The following INSL6 variants were observed in gnomAD, a reference collection of about 807,000 sequenced individuals.
INSL6 encodes insulin-like peptide INSL6.
A neutral mutation model predicts 9.4 loss-of-function variants in INSL6; 16 were observed. The observed-to-expected ratio is 1.70, with a 90% CI of 1.15 to 2.59. INSL6 has a LOEUF of 2.59. INSL6 is among the 30% of genes most tolerant of loss of function. The pLI is 0.00. For synonymous variants in INSL6, 154 were observed against 96.9 expected, an observed-to-expected ratio of 1.59 and a Z score of -3.46; for missense variants, 391 against 257.3, an observed-to-expected ratio of 1.52 and a Z score of -3.56.
At chr9:5,082,565 C>G in the INSL6 span, among the ~76,000 whole-genome samples, 1 of 152,350 alleles carries the variant, frequency 6.6e-6, no homozygotes. Context: ...TTTACTAATC[C>G]TCCCCAGCAC....
At chr9:5,044,407 T>C in the INSL6 span, 1 of 1,604,496 alleles carries the variant, frequency 6.2e-7, no homozygotes, top group South Asian at 1.1e-5. Context: ...TTGTAGATTT[T>C]ACTTTCCTCG....
the INSL6 span, among the ~76,000 whole-genome samples, chr9:5,044,903 C>T: frequency 5.9e-5 from 9 of 152,048 alleles, no homozygotes; most frequent in South Asian, 2.1e-4. Flanking sequence ...CAGGCTTACA[C>T]AATGGACAAT....
the INSL6 span, among the ~76,000 whole-genome samples, chr9:5,047,947 T>C: frequency 6.6e-6 from 1 of 152,150 alleles, no homozygotes; most frequent in Admixed American, 6.5e-5. Flanking sequence ...TGAGGGTACA[T>C]ACTATAATAT....
chr9:5,023,368 G>C, the INSL6 span, among the ~76,000 whole-genome samples: 1 of 152,142 alleles, frequency 6.6e-6, no homozygotes, highest in Admixed American at 6.5e-5. Context: ...CTGGGCCCCA[G>C]GGGAGTACGC....
At chr9:5,040,662 G>C in the INSL6 span, among the ~76,000 whole-genome samples, 20 of 152,390 alleles carry the variant, frequency 1.3e-4, no homozygotes, top group African/African-American at 4.8e-4. Flanking sequence ...GACTTGGATA[G>C]ACATTTTTCC....
At chr9:5,086,160 G>C in the INSL6 span, 4 of 363,152 alleles carry the variant, frequency 1.1e-5, no homozygotes, top group South Asian at 2.0e-4. Flanking sequence ...TCGGGGAGCG[G>C]TCTCCACGCC....
chr9:5,141,568 GT>G (rs1824502594), intron 2 of INSL6, among the ~76,000 whole-genome samples: 1 of 150,006 alleles, frequency 6.7e-6, no homozygotes, highest in Non-Finnish European at 1.5e-5. Flanking sequence ...AATTTAATGG[GT>G]TTTTTCTTTT....
At chr9:5,108,177 G>C in the INSL6 span, 6 of 151,980 alleles carry the variant, frequency 3.9e-5, no homozygotes, top group Admixed American at 3.9e-4. Context: ...ACTGTTCAAT[G>C]AATCACCCCC....
intron 3 of INSL6, chr9:5,128,012 C>T (rs566526825): frequency 4.3e-6 from 1 of 230,372 alleles, no homozygotes. Flanking sequence ...AGGGGTTGTT[C>T]GTTGTTGTCA....
rs145092116 is a variant in INSL6 at position 5,129,980 on chromosome 9, T to C, written c.*10+3445A>G. On this transcript the variant is annotated intron_variant, in intron 3 of 3. Coordinates refer to the INSL6 transcript ENST00000649639. ...TCAGTTGTGTTTATGCCAGATGGCA[T>C]TGCTTAGTTGGTGCAAGCTCTCAAT... Among the ~76,000 whole-genome samples, 1,207 of 152,328 alleles carry C rather than the reference T, an allele frequency of 7.9e-3. 8 individuals are homozygous for C. The highest frequency in any genetic ancestry group is 0.031 in the Middle Eastern group (9 of 294).
intron 1 of INSL6, among the ~76,000 whole-genome samples, chr9:5,167,346 G>T (rs1027213157): frequency 5.3e-5 from 8 of 152,232 alleles, no homozygotes; most frequent in Non-Finnish European, 1.0e-4. Flanking sequence ...GAGGTGGGTG[G>T]CACTTGAGCA....
At chr9:5,146,717 C>A (rs1411383749) in intron 2 of INSL6, among the ~76,000 whole-genome samples, 1 of 152,194 alleles carries the variant, frequency 6.6e-6, no homozygotes, top group East Asian at 1.9e-4. Flanking sequence ...GCAAGTAAAG[C>A]AAAACCTGCC....
the INSL6 span, among the ~76,000 whole-genome samples, chr9:5,093,177 T>C: frequency 6.6e-6 from 1 of 152,196 alleles, no homozygotes; most frequent in Non-Finnish European, 1.5e-5. Context: ...CAGCTAGATA[T>C]TTTACAATAA....
chr9:5,064,760 C>A, the INSL6 span: 5 of 614,460 alleles, frequency 8.1e-6, no homozygotes, highest in South Asian at 1.3e-4. Flanking sequence ...GAGTACTGAG[C>A]CATAAAAGAT....
chr9:5,005,960 T>C, the INSL6 span, among the ~76,000 whole-genome samples: 11 of 152,224 alleles, frequency 7.2e-5, no homozygotes, highest in African/African-American at 2.2e-4. Flanking sequence ...TGGCTTAGGA[T>C]TGACCTGGCG....
At chr9:5,022,788 G>A in the INSL6 span, among the ~76,000 whole-genome samples, 9 of 152,152 alleles carry the variant, frequency 5.9e-5, no homozygotes, top group Admixed American at 5.9e-4. Flanking sequence ...CTAGACCACT[G>A]AGGTTACTAT....
the INSL6 span, among the ~76,000 whole-genome samples, chr9:5,034,607 TG>T: frequency 1.1e-4 from 17 of 151,892 alleles, no homozygotes; most frequent in East Asian, 3.1e-3. Context: ...CTCAACTACA[TG>T]GAAACTGAAC....
chr9:5,112,018 C>G, the INSL6 span: 8 of 402,272 alleles, frequency 2.0e-5, no homozygotes, highest in Non-Finnish European at 4.0e-5. Context: ...TAGCCTGGAG[C>G]AGGAGTCCCT....
chr9:5,100,549 G>T, the INSL6 span: 1 of 152,156 alleles, frequency 6.6e-6, no homozygotes, highest in Non-Finnish European at 1.5e-5. Flanking sequence ...TATCACTCTA[G>T]TCTAGCCCCA....
Sources: allele counts gnomAD v4.1 joint callset (sites outside exome capture counted in the v4.1 genomes callset), GRCh38; gene constraint gnomAD v4.1.1; transcripts MANE v1.5; gene names NCBI Gene and HGNC (gene_info 2026-07-23, HGNC 2026-07-21).